WIPI1: variants seen among roughly 807,000 people sequenced by gnomAD.
WIPI1 encodes WD repeat domain phosphoinositide-interacting protein 1.
In WIPI1, 45 loss-of-function variants were observed where a neutral mutation model predicts 55.3. The observed-to-expected ratio is 0.81, with a 90% CI of 0.64 to 1.04. WIPI1 has a LOEUF of 1.04. Ranked by LOEUF, WIPI1 falls within the 50% of genes least tolerant of loss-of-function variation. The probability of loss-of-function intolerance (pLI) is 0.00; values close to 1 mark genes in which losing one functional copy is unlikely to be tolerated. For missense variants in WIPI1, 445 were observed against 559.0 expected, an observed-to-expected ratio of 0.80 and a Z score of 2.06; for synonymous variants, 195 against 217.6, an observed-to-expected ratio of 0.90 and a Z score of 0.92.
At chr17:68,432,962 T>C (rs2147849599) in intron 8 of WIPI1, among the ~76,000 whole-genome samples, 1 of 152,366 alleles carries the variant, frequency 6.6e-6, no homozygotes, top group East Asian at 1.9e-4. Flanking sequence ...TATCCATTTT[T>C]TAGGCTTTTC....
In WIPI1 at chr17:68,423,265, G is replaced by A. The variant is rs994376491; in HGVS notation, c.1294-1445C>T. On this transcript the variant is annotated intron_variant, in intron 12 of 12. Coordinates refer to ENST00000262139, the MANE Select transcript of WIPI1 (RefSeq NM_017983.7). This position sits in a 1 kb window ranked among gnomAD's most constrained non-coding sequence, Gnocchi z 4.4. ...GAGAGGAAGTTCCCTAGCATCCCTC[G>A]CTGAACATTTCTGCCAATTCAGGCA... Among the ~76,000 whole-genome samples the A allele has an allele frequency of 3.9e-5, 6 of 152,132 alleles. No homozygotes were observed. Among genetic ancestry groups the A allele is most frequent in the African/African-American group, 9.7e-5 (4 of 41,416 alleles).
chr17:68,442,647 C>T lies in WIPI1; in HGVS notation c.430+1846G>A, dbSNP rs114126767. Reference sequence around the variant, plus strand: ...GGCAGCTTCTAGCTTTCTGCATGCCCGATGTCCCTCCCCAAATCCCTGAAG... The same window carrying T: ...GGCAGCTTCTAGCTTTCTGCATGCCTGATGTCCCTCCCCAAATCCCTGAAG... On this transcript the variant is annotated intron_variant, in intron 4 of 12. Transcript: ENST00000262139. 3.9e-3 allele frequency among the ~76,000 whole-genome samples: 598 copies of T among 152,164 alleles called. 7 individuals carry two copies. The highest frequency in any genetic ancestry group is 0.014 in the African/African-American group (578 of 41,512).
chr17:68,421,577 C>T lies in WIPI1; in HGVS notation c.*196G>A. The T allele has an allele frequency of 1.5e-6, 1 of 657,228 alleles. No individual in the cohort carries two copies. The highest frequency in any genetic ancestry group is 2.7e-6 in the Non-Finnish European group (1 of 367,384). 40.7% of individuals were successfully genotyped at this position (657,228 alleles called of 1,614,324 possible). A position where few individuals can be genotyped will look rare whatever the true frequency, so the allele number is the denominator to read the frequency against. On this transcript the variant is annotated 3_prime_UTR_variant, in exon 13 of 13. Transcript: ENST00000262139. ...ATAGCATGATGTGTATACAATGTCT[C>T]CCGCGCCCATTGGCAACCAGGGTCG...
chr17:68,427,071 G>T, intron 11 of WIPI1, 64 bp downstream of exon 11: 1 of 1,356,944 alleles, frequency 7.4e-7, no homozygotes, highest in Non-Finnish European at 1.1e-6. Context: ...GAGGGAGCGT[G>T]CAGGGAGAAG....
chr17:68,430,098 T>C lies in WIPI1; in HGVS notation c.863A>G (p.Asn288Ser), dbSNP rs769817752. Residue 288 changes from asparagine (N) to serine (S), a missense_variant, in exon 9 of 13, where the codon AAC becomes AGC. Coordinates refer to ENST00000262139, the MANE Select transcript of WIPI1 (RefSeq NM_017983.7). Reference sequence around the variant, plus strand: ...GTCTGACACCTGGGTAGGGAGGTAGTTGGTAGCAGCCATAAACATCTTTCC... The same window carrying C: ...GTCTGACACCTGGGTAGGGAGGTAGCTGGTAGCAGCCATAAACATCTTTCC... ...YMGKMFMAAT[N>S]YLPTQVSDMM... 5.0e-6 allele frequency: 8 copies of C among 1,614,000 alleles called. No homozygotes were observed.
intron 4 of WIPI1, among the ~76,000 whole-genome samples, chr17:68,442,685 C>T (rs931458462): frequency 3.3e-5 from 5 of 152,160 alleles, no homozygotes; most frequent in Non-Finnish European, 7.4e-5. Context: ...CCAGCTCAGG[C>T]CCTGCCAGCC....
At position 68,429,008 on chromosome 17, in the gene WIPI1, C is replaced by T. The variant is rs533934347; in HGVS notation, c.966-72G>A. ...GATGGATTCGCTTCCAATGACAAAG[C>T]CCCCCTCACCCTAGCTGTCACCAGA... is the stretch of plus-strand genomic sequence containing the variant. On this transcript the variant is annotated intron_variant, in intron 9 of 12. Coordinates refer to ENST00000262139, the MANE Select transcript of WIPI1 (RefSeq NM_017983.7). The T allele has an allele frequency of 1.4e-5, 16 of 1,128,638 alleles. No individual in the cohort carries two copies. The African/African-American group carries it at 2.3e-4, about 16-fold the overall frequency. The allele number at this position is 1,128,638 out of a possible 1,614,324, so 69.9% of individuals were successfully genotyped here. A position where few individuals can be genotyped will look rare whatever the true frequency, so the allele number is the denominator to read the frequency against.
intron 4 of WIPI1, among the ~76,000 whole-genome samples, chr17:68,439,566 C>T (rs1266750531): frequency 1.3e-5 from 2 of 152,080 alleles, no homozygotes; most frequent in East Asian, 1.9e-4. Context: ...TACACAATTC[C>T]GTGAATATAC....
rs113985637 is a variant in WIPI1, at chr17:68,454,411, T to C, written c.81-1419A>G. 7.5e-4 allele frequency among the ~76,000 whole-genome samples: 114 copies of C among 152,330 alleles called. 2 individuals are homozygous for C. The highest frequency in any genetic ancestry group is 2.5e-3 in the African/African-American group (104 of 41,566). Reference sequence around the variant, plus strand: ...AAAGAGAAGGTCACATGATTTTCCCTGGAATTTTTTTTCCCTACCCAGACA... The same window carrying C: ...AAAGAGAAGGTCACATGATTTTCCCCGGAATTTTTTTTCCCTACCCAGACA... On this transcript the variant is annotated intron_variant, in intron 1 of 12. Transcript: ENST00000262139.
chr17:68,439,069 G>A (rs748560548), intron 4 of WIPI1, among the ~76,000 whole-genome samples: 25 of 152,130 alleles, frequency 1.6e-4, no homozygotes, highest in Middle Eastern at 3.2e-3. Context: ...GCTCTGGAAC[G>A]TTTAGCAGTT....
intron 4 of WIPI1, among the ~76,000 whole-genome samples, chr17:68,443,142 G>A (rs1275145231): frequency 1.3e-5 from 2 of 151,786 alleles, no homozygotes; most frequent in African/African-American, 2.4e-5. Context: ...ACAGAGTCTC[G>A]ATCTGTTGCC....
chr17:68,426,574 C>T (rs2083209895), intron 11 of WIPI1, among the ~76,000 whole-genome samples: 1 of 152,158 alleles, frequency 6.6e-6, no homozygotes. Flanking sequence ...ACTCTTTCAC[C>T]CAGGCTGGAG....
chr17:68,435,995 G>A (rs541376777), intron 5 of WIPI1, among the ~76,000 whole-genome samples: 6 of 152,378 alleles, frequency 3.9e-5, no homozygotes, highest in East Asian at 3.9e-4. Flanking sequence ...CGCCCTGCAC[G>A]CATCTTTAGG....
In WIPI1 at chr17:68,450,745, T is replaced by C. The variant is rs781308240; in HGVS notation, c.316A>G (p.Ile106Val). 1 of 1,612,720 alleles carries C rather than the reference T, an allele frequency of 6.2e-7. No individual in the cohort carries two copies. The highest frequency in any genetic ancestry group is 1.7e-5 in the Admixed American group (1 of 59,788). Residue 106 changes from isoleucine to valine, a missense_variant, in exon 3 of 13, where the codon ATA (isoleucine) becomes GTA (valine). Transcript: ENST00000262139. ...CCACTTACTTGCCGGTTCAGCCTTA[T>C]GGACAAGATGTTGCTGGAGTAGCTG... ...NYSYSSNILS[I>V]RLNRQRLLVC... is the part of the protein sequence containing the mutation.
intron 7 of WIPI1, among the ~76,000 whole-genome samples, chr17:68,433,996 T>A (rs1278097598): frequency 6.6e-6 from 1 of 151,998 alleles, no homozygotes; most frequent in Admixed American, 6.6e-5. Context: ...TTGGCCAGGC[T>A]GGTCCTCAGG....
At chr17:68,442,321 T>G (rs983828526) in intron 4 of WIPI1, among the ~76,000 whole-genome samples, 2 of 151,900 alleles carry the variant, frequency 1.3e-5, no homozygotes, top group Non-Finnish European at 2.9e-5. Context: ...AAAAATTAGC[T>G]GGGTGTGGTG....
intron 3 of WIPI1, among the ~76,000 whole-genome samples, 182 bp from the exon 4 acceptor site, chr17:68,444,771 G>C (rs1398684654): frequency 6.6e-6 from 1 of 152,084 alleles, no homozygotes; most frequent in Non-Finnish European, 1.5e-5. Context: ...TCATCCACCT[G>C]AACACAAGCA....
chr17:68,452,978 C>A lies in WIPI1; in HGVS notation c.95G>T (p.Gly32Val), dbSNP rs2084550928. 6.2e-6 allele frequency: 10 copies of A among 1,613,868 alleles called. No homozygotes were observed. Among genetic ancestry groups the A allele is most frequent in the South Asian group, 2.2e-5 (2 of 91,072 alleles). The change falls in exon 2 of 13, where the codon GGA (glycine) becomes GTA (valine). Residue 32 changes from glycine (G) to valine (V), a missense_variant. Gly to Val is a moderately radical substitution (Grantham distance 109, BLOSUM62 -3). Transcript: ENST00000262139. Reference protein sequence around the residue: ...FNQDCTSLATGTKAGYKLFSL... With the variant: ...FNQDCTSLATVTKAGYKLFSL... Reference sequence around the variant, plus strand: ...AAACAGCTTATACCCGGCTTTAGTTCCAGTTGCTAGGGATCTGTGGAGGAT... The same window carrying A: ...AAACAGCTTATACCCGGCTTTAGTTACAGTTGCTAGGGATCTGTGGAGGAT...
intron 7 of WIPI1, 120 bp downstream of exon 7, chr17:68,434,436 A>G: frequency 1.0e-6 from 1 of 961,216 alleles, no homozygotes; most frequent in Non-Finnish European, 1.5e-6. Context: ...GAGTAGTTAC[A>G]CTTCCTCCAG....
Sources: allele counts gnomAD v4.1 joint callset (sites outside exome capture counted in the v4.1 genomes callset), GRCh38; gene constraint gnomAD v4.1.1; non-coding constraint Gnocchi (gnomAD v3.1); transcripts MANE v1.5; gene names NCBI Gene and HGNC (gene_info 2026-07-23, HGNC 2026-07-21).